The following SPEF2 variants were observed in gnomAD, a reference collection of about 807,000 sequenced individuals.
SPEF2 encodes sperm flagellar and cilia associated 2.
Under a neutral mutation model 224.6 loss-of-function variants are expected in SPEF2, and 187 were observed. The observed-to-expected ratio is 0.83, with a 90% CI of 0.74 to 0.94. The LOEUF is 0.94. Ranked by LOEUF, SPEF2 falls within the 40% of genes least tolerant of loss-of-function variation. The pLI is 0.00. For missense variants in SPEF2, 2,170 were observed against 2,135.6 expected (o/e 1.02, Z -0.32); for synonymous variants, 715 against 707.3 (o/e 1.01, Z -0.17).
At chr5:35,795,053 A>C (rs1397912288) in intron 32 of SPEF2, among the ~76,000 whole-genome samples, 2 of 152,128 alleles carry the variant, frequency 1.3e-5, no homozygotes, top group African/African-American at 2.4e-5. Context: ...AAATAACTTT[A>C]GGTCAAAATT....
intron 8 of SPEF2, among the ~76,000 whole-genome samples, chr5:35,662,181 T>C (rs938940854): frequency 1.3e-5 from 2 of 152,194 alleles, no homozygotes; most frequent in African/African-American, 2.4e-5. Flanking sequence ...TGGTCAGTGA[T>C]GTTAAGCTTT....
chr5:35,641,186 G>T (rs985935693), intron 2 of SPEF2, among the ~76,000 whole-genome samples: 8 of 152,002 alleles, frequency 5.3e-5, no homozygotes, highest in African/African-American at 1.9e-4. Flanking sequence ...AAATCCTATT[G>T]TCAATTTAGA....
chr5:35,629,276 C>G (rs1338150701), intron 2 of SPEF2, among the ~76,000 whole-genome samples: 1 of 150,780 alleles, frequency 6.6e-6, no homozygotes, highest in African/African-American at 2.4e-5. Context: ...GCCTCAGCCT[C>G]CCGAGTAGCT....
intron 26 of SPEF2, among the ~76,000 whole-genome samples, chr5:35,766,888 T>C (rs1376675709): frequency 2.6e-5 from 4 of 151,904 alleles, no homozygotes; most frequent in African/African-American, 7.2e-5. Flanking sequence ...CAAAATAATA[T>C]GTTGTTTTCT....
At chr5:35,762,799 G>T (rs1054166834) in intron 25 of SPEF2, among the ~76,000 whole-genome samples, 14 of 152,252 alleles carry the variant, frequency 9.2e-5, no homozygotes, top group African/African-American at 3.1e-4. Context: ...GGATCCTTCT[G>T]GGATAAGATA....
chr5:35,657,489 CG>C (rs370440105), intron 7 of SPEF2, among the ~76,000 whole-genome samples: 5 of 151,546 alleles, frequency 3.3e-5, no homozygotes, highest in South Asian at 2.1e-4. Flanking sequence ...GGAATGGAAT[CG>C]GGGGGGTGGT....
rs973571739 is a variant in SPEF2 at position 35,635,472 on chromosome 5, C to A, written c.162-5959C>A. On this transcript the variant is annotated intron_variant, in intron 2 of 36. Coordinates refer to ENST00000356031, the MANE Select transcript of SPEF2 (RefSeq NM_024867.4). ...CTTTTATTATTGTTTTTGCATTGCT[C>A]TAGTATATTGACTTTGGAAACAAAA... 1.3e-5 allele frequency among the ~76,000 whole-genome samples: 2 copies of A among 152,110 alleles called. 1 individual carries two copies.
rs181953656 is a variant in SPEF2, at chr5:35,798,047, G to A, written c.4831-1921G>A. Among the ~76,000 whole-genome samples, 40 of 152,116 alleles carry A rather than the reference G, an allele frequency of 2.6e-4. 1 individual carries two copies. Among genetic ancestry groups the A allele is most frequent in the East Asian group, 1.4e-3 (7 of 5,176 alleles). ...ATCCTGAGAGTTCTATCTTCAAAACGCGTAAATCCCGAATGAGACCACTTC... is the reference window on the plus strand; with the variant it reads ...ATCCTGAGAGTTCTATCTTCAAAACACGTAAATCCCGAATGAGACCACTTC... On this transcript the variant is annotated intron_variant, in intron 33 of 36. Coordinates refer to ENST00000356031, the MANE Select transcript of SPEF2 (RefSeq NM_024867.4).
intron 8 of SPEF2, among the ~76,000 whole-genome samples, chr5:35,660,361 A>AT (rs1204593909): frequency 6.6e-6 from 1 of 152,222 alleles, no homozygotes; most frequent in Non-Finnish European, 1.5e-5. Context: ...GAAACCTTAT[A>AT]GAAAACAGGA....
intron 25 of SPEF2, among the ~76,000 whole-genome samples, chr5:35,761,516 A>G (rs1353303095): frequency 6.6e-6 from 1 of 152,164 alleles, no homozygotes; most frequent in African/African-American, 2.4e-5. Context: ...GCAGCGATCC[A>G]AAGCCCATTT....
chr5:35,700,938 G>A (rs1411441351), intron 16 of SPEF2, among the ~76,000 whole-genome samples, 186 bp downstream of exon 16: 1 of 152,218 alleles, frequency 6.6e-6, no homozygotes, highest in Non-Finnish European at 1.5e-5. Context: ...TGTGGGCAAA[G>A]CCGGGAACTA....
Position 35,623,086 on chromosome 5 carries a change from A to G in SPEF2, c.58+5031A>G, listed in dbSNP as rs146573340. ...GTTGTAACAAGGGAGAACATGAACC[A>G]TGAGGACTGCAGGGCATCTCAGTAA... On this transcript the variant is annotated intron_variant, in intron 1 of 36. Transcript: ENST00000356031. Among the ~76,000 whole-genome samples, 618 of 152,346 alleles carry G rather than the reference A, an allele frequency of 4.1e-3. 2 individuals carry two copies. The highest frequency in any genetic ancestry group is 0.014 in the African/African-American group (585 of 41,580).
At chr5:35,802,625 A>C (rs13359122) in intron 34 of SPEF2, among the ~76,000 whole-genome samples, 27,518 of 152,052 alleles carry the variant, frequency 0.18, 3,105 homozygotes, top group African/African-American at 0.32. Flanking sequence ...AGACATACAA[A>C]CAGAGGCCCA....
chr5:35,806,794 A>T lies in SPEF2; in HGVS notation c.5098A>T (p.Thr1700Ser), dbSNP rs2149873604. ...AGAAGAAAGGAAATTAAAAGACGAC[A>T]CGGAGAAAAGGGAACAGAAGGATGA... is the stretch of plus-strand genomic sequence containing the variant. ...AREERKLKDD[T>S]EKREQKDEEI... Residue 1700 changes from threonine (T) to serine (S), a missense_variant, in exon 35 of 37, where the codon ACG becomes TCG. Transcript: ENST00000356031. The T allele has an allele frequency of 6.2e-7, 1 of 1,614,028 alleles. No homozygotes were observed. The highest frequency in any genetic ancestry group is 8.5e-7 in the Non-Finnish European group (1 of 1,179,964).
chr5:35,722,461 T>C (rs991697519), intron 20 of SPEF2, among the ~76,000 whole-genome samples: 21 of 151,256 alleles, frequency 1.4e-4, no homozygotes, highest in Non-Finnish European at 2.4e-4. Context: ...AGAGGTTTTT[T>C]TTTGTTTTTT....
Position 35,749,510 on chromosome 5 carries a change from G to A in SPEF2, c.3331-4114G>A, listed in dbSNP as rs140121696. 0.021 allele frequency among the ~76,000 whole-genome samples: 3,136 copies of A among 152,018 alleles called. 270 individuals are homozygous for A. In the East Asian group the frequency reaches 0.23, roughly 11 times the overall value. On this transcript the variant is annotated intron_variant, in intron 23 of 36. Coordinates refer to ENST00000356031, the MANE Select transcript of SPEF2 (RefSeq NM_024867.4). ...GATTAAAAAATTCAGCAAAGTTTCC[G>A]GATACAAGATTAATGTACACAAATC...
chr5:35,704,898 TTTACGG>T (rs1162891435), intron 17 of SPEF2, among the ~76,000 whole-genome samples: 34 of 152,104 alleles, frequency 2.2e-4, no homozygotes, highest in Non-Finnish European at 4.7e-4. Context: ...AATACTTCCC[TTTACGG>T]TTACATGCAC....
At chr5:35,732,143 T>C (rs1296953958) in intron 21 of SPEF2, among the ~76,000 whole-genome samples, 4 of 152,212 alleles carry the variant, frequency 2.6e-5, no homozygotes, top group African/African-American at 9.7e-5. Flanking sequence ...ATTCCTGCTC[T>C]AGCCTTGAGA....
intron 23 of SPEF2, among the ~76,000 whole-genome samples, chr5:35,746,006 A>C (rs1350596247): frequency 6.6e-6 from 1 of 152,224 alleles, no homozygotes; most frequent in East Asian, 1.9e-4. Flanking sequence ...GACTCTGTGC[A>C]GACAACCCCC....
Sources: gnomAD v4.1 joint callset for allele counts (sites outside exome capture counted in the v4.1 genomes callset) on GRCh38, gnomAD v4.1.1 for gene constraint, MANE v1.5 for transcripts, NCBI Gene and HGNC (gene_info 2026-07-23, HGNC 2026-07-21) for gene names.